HR: variants seen among roughly 807,000 people sequenced by gnomAD.
HR encodes the protein lysine-specific demethylase hairless.
In HR, 83 loss-of-function variants were observed where a neutral mutation model predicts 128.6. The observed-to-expected ratio is 0.65, with a 90% confidence interval of 0.54 to 0.77. HR has a LOEUF of 0.77. Ranked by LOEUF, HR falls within the 30% of genes least tolerant of loss-of-function variation. The probability of loss-of-function intolerance (pLI) is 0.00; values close to 1 mark genes in which losing one functional copy is unlikely to be tolerated. For synonymous variants in HR, 681 were observed against 658.2 expected, an observed-to-expected ratio of 1.03 and a Z score of -0.53; for missense variants, 1,490 against 1,574.6, an observed-to-expected ratio of 0.95 and a Z score of 0.91.
At position 22,122,522 on chromosome 8, in the gene HR, C is replaced by T; in HGVS notation, c.2092G>A (p.Val698Ile). ...TGGCCTGCATCCCCGGGGGCCCATA[C>T]CCGGGCATCAGCTTGGCAGGGGCAG... ...GHCPCQADAR[V>I]WAPGDAGQQK... is the part of the protein sequence containing the mutation. The change falls in exon 8 of 19, where the codon GTA (valine) becomes ATA (isoleucine). Residue 698 changes from valine (V) to isoleucine (I), a missense_variant. Physicochemically the swap from Val to Ile is conservative, Grantham distance 29. This residue lies in a region of HR where 1,060 missense variants were observed against 1,060.9 expected (regional missense o/e 1.00). Coordinates refer to ENST00000381418, the MANE Select transcript of HR (RefSeq NM_005144.5). 1 of 1,611,564 alleles carries T rather than the reference C, an allele frequency of 6.2e-7. No homozygotes were observed. The highest frequency in any genetic ancestry group is 8.5e-7 in the Non-Finnish European group (1 of 1,179,164).
At chr8:22,121,307 C>A in intron 9 of HR, 79 bp from the exon 10 acceptor site, 1 of 1,538,834 alleles carries the variant, frequency 6.5e-7, no homozygotes, top group South Asian at 1.2e-5. Flanking sequence ...CCATGCTGCT[C>A]TTCCCTCTCT....
intron 18 of HR, 48 bp from the exon 19 acceptor site, chr8:22,115,810 C>T (rs1218317066): frequency 1.9e-6 from 3 of 1,566,046 alleles, no homozygotes; most frequent in Middle Eastern, 1.7e-4. Context: ...ATTCCTGGGC[C>T]CACCCGCTGT....
chr8:22,124,175 C>A (rs946008503), intron 5 of HR, among the ~76,000 whole-genome samples: 1 of 152,214 alleles, frequency 6.6e-6, no homozygotes, highest in Admixed American at 6.5e-5. Context: ...TCCCTCCAAG[C>A]CCTAGGTGCT....
rs778646464 is a variant in HR, at chr8:22,120,400, A to G, written c.2718T>C (p.Pro906=). The change falls in exon 12 of 19, where the codon CCT becomes CCC. Residue 906 remains proline, a synonymous_variant. Coordinates refer to ENST00000381418, the MANE Select transcript of HR (RefSeq NM_005144.5). ...TGCTGCCCAGGCTGCTGGGCTGGGGAGGTCCGAGGGGGCTCAGCGCCTGCA... is the reference window on the plus strand; with the variant it reads ...TGCTGCCCAGGCTGCTGGGCTGGGGGGGTCCGAGGGGGCTCAGCGCCTGCA... ...GQVQALSPLG[P]PQPSSLGSTT... is the part of the protein sequence containing the mutation. The G allele has an allele frequency of 1.9e-6, 3 of 1,613,856 alleles. No individual in the cohort carries two copies. Among genetic ancestry groups the G allele is most frequent in the Non-Finnish European group, 1.7e-6 (2 of 1,179,990 alleles).
Position 22,127,330 on chromosome 8 carries a change from C to A in HR, c.1112G>T (p.Cys371Phe). The A allele has an allele frequency of 6.2e-7, 1 of 1,613,364 alleles. No individual in the cohort carries two copies. Among genetic ancestry groups the A allele is most frequent in the Non-Finnish European group, 8.5e-7 (1 of 1,180,034 alleles). The change falls in exon 3 of 19, where the codon TGT (cysteine) becomes TTT (phenylalanine). Residue 371 changes from cysteine (C) to phenylalanine (F), a missense_variant. This residue lies in a region of HR where 1,060 missense variants were observed against 1,060.9 expected (regional missense o/e 1.00). Transcript: ENST00000381418. Reference sequence around the variant, plus strand: ...CAGCTTGGTGTGGTGGCTGGGGGGACAGGCCCTGGGGCCAGAGGCCTTGTT... The same window carrying A: ...CAGCTTGGTGTGGTGGCTGGGGGGAAAGGCCCTGGGGCCAGAGGCCTTGTT... Reference protein sequence around the residue: ...EVNKASGPRACPPSHHTKLKK... With the variant: ...EVNKASGPRAFPPSHHTKLKK...
In HR at chr8:22,116,496, G is replaced by A. The variant is rs1826590989; in HGVS notation, c.3379-68C>T. Reference sequence around the variant, plus strand: ...TCCTCTCCCTGTCCCCCTGGTCCCTGAGGTTCGCTTCCTCTAATGACAACC... The same window carrying A: ...TCCTCTCCCTGTCCCCCTGGTCCCTAAGGTTCGCTTCCTCTAATGACAACC... On this transcript the variant is annotated intron_variant, in intron 17 of 18. Coordinates refer to ENST00000381418, the MANE Select transcript of HR (RefSeq NM_005144.5). The surrounding 1 kb of genome is among the most constrained non-coding windows in gnomAD (Gnocchi z 4.2). The A allele has an allele frequency of 6.4e-7, 1 of 1,569,156 alleles. No individual in the cohort carries two copies. The highest frequency in any genetic ancestry group is 1.9e-5 in the Admixed American group (1 of 53,678).
rs1826550511 is a variant in HR at position 22,115,011 on chromosome 8, C to G, written c.*689G>C. On this transcript the variant is annotated 3_prime_UTR_variant, in exon 19 of 19. Coordinates refer to ENST00000381418, the MANE Select transcript of HR (RefSeq NM_005144.5). The stretch of plus-strand genomic sequence containing the variant: ...GTCTCTAAGGCAGATTTCCATGTCC[C>G]CCTCCCTCCCTGGACCATGTGGCCT... 1 of 153,958 alleles carries G rather than the reference C, an allele frequency of 6.5e-6. No individual in the cohort carries two copies. The highest frequency in any genetic ancestry group is 1.4e-5 in the Non-Finnish European group (1 of 69,238). The allele number at this position is 153,958 out of a possible 1,614,324, so 9.5% of individuals were successfully genotyped here. A position where few individuals can be genotyped will look rare whatever the true frequency, so the allele number is the denominator to read the frequency against.
At chr8:22,123,997 G>C (rs551014055) in intron 5 of HR, among the ~76,000 whole-genome samples, 184 bp from the exon 6 acceptor site, 12 of 152,222 alleles carry the variant, frequency 7.9e-5, no homozygotes, top group Middle Eastern at 3.4e-3. Flanking sequence ...CAGCCCTGTC[G>C]AGAGCCTCCT....
intron 1 of HR, among the ~76,000 whole-genome samples, chr8:22,129,794 C>T (rs1196757318): frequency 6.6e-6 from 1 of 151,700 alleles, no homozygotes; most frequent in Non-Finnish European, 1.5e-5. Flanking sequence ...CCAGCCAGGG[C>T]CGCTGGCTGT....
In HR at chr8:22,123,734, G is replaced by A. The variant is rs920251485; in HGVS notation, c.1830C>T (p.Thr610=). Residue 610 remains threonine (T), a synonymous_variant, in exon 6 of 19, where the codon ACC becomes ACT. Coordinates refer to ENST00000381418, the MANE Select transcript of HR (RefSeq NM_005144.5). ...CSRCHHGLFN[T]HWRCPRCSHR... The stretch of plus-strand genomic sequence containing the variant: ...GGCTGCAGCGGGGACATCGCCAGTG[G>A]GTGTTGAAGAGTCCATGGTGGCAAC... The A allele has an allele frequency of 2.8e-5, 45 of 1,595,188 alleles. No homozygotes were observed. The highest frequency in any genetic ancestry group is 3.7e-5 in the Non-Finnish European group (44 of 1,175,490).
At chr8:22,129,538 C>G (rs1826996294) in intron 1 of HR, among the ~76,000 whole-genome samples, 1 of 152,264 alleles carries the variant, frequency 6.6e-6, no homozygotes, top group Admixed American at 6.5e-5. Context: ...GTGGAAGGCA[C>G]TGAATGAAGA....
chr8:22,119,554 C>T (rs1029740583), intron 14 of HR, among the ~76,000 whole-genome samples: 1 of 151,774 alleles, frequency 6.6e-6, no homozygotes, highest in Non-Finnish European at 1.5e-5. Context: ...TTGCGGTGAG[C>T]CGAGATAGTG....
chr8:22,123,617 T>TTGGGGGGGCCCCCC, intron 6 of HR, 32 bp downstream of exon 6: 3 of 292,092 alleles, frequency 1.0e-5, no homozygotes, highest in Non-Finnish European at 1.2e-5. Context: ...GAGGGCTCCA[T>TTGGGGGGGCCCCCC]CCCGCCCTCC....
At chr8:22,119,674 G>T in intron 14 of HR, 86 bp downstream of exon 14, 1 of 1,474,044 alleles carries the variant, frequency 6.8e-7, no homozygotes, top group Non-Finnish European at 9.1e-7. Context: ...AGGCCCCAGG[G>T]CCTTGGCACA....
Position 22,125,227 on chromosome 8 carries a change from C to T in HR, c.1750+84G>A, listed in dbSNP as rs998608354. 2.2e-5 allele frequency: 31 copies of T among 1,407,426 alleles called. No individual in the cohort carries two copies. The African/African-American group carries it at 4.0e-4, about 18-fold the overall frequency. The allele number at this position is 1,407,426 out of a possible 1,614,324, so 87.2% of individuals were successfully genotyped here. ...TCTGAGGTTGCCTTAGGTCTAGGAG[C>T]TGGCAGTGTGGGTGGGGTCAGGGGA... On this transcript the variant is annotated intron_variant, in intron 5 of 18. Transcript: ENST00000381418.
At chr8:22,128,486 A>G in intron 2 of HR, 73 bp downstream of exon 2, 1 of 1,588,388 alleles carries the variant, frequency 6.3e-7, no homozygotes, top group South Asian at 1.1e-5. Flanking sequence ...TCACAGTGGA[A>G]GGGCATCTTG....
chr8:22,127,055 G>A lies in HR; in HGVS notation c.1387C>T (p.Gln463Ter). ...CCCTTACCTTTCTGCTCATCATGCT[G>A]TCCCGAGTCCACATCCTTGTTCCCT... ...SIGNKDVDSGQHDEQKGPQDG... is the reference protein window; with the variant it reads ...SIGNKDVDSG Residue 463 changes from glutamine (Q) to a stop codon, truncating the protein, a stop_gained, in exon 3 of 19, where the codon CAG becomes TAG. Coordinates refer to ENST00000381418, the MANE Select transcript of HR (RefSeq NM_005144.5). LOFTEE classifies it high-confidence loss of function. The A allele has an allele frequency of 6.2e-7, 1 of 1,612,218 alleles. No individual in the cohort carries two copies. The highest frequency in any genetic ancestry group is 8.5e-7 in the Non-Finnish European group (1 of 1,179,698).
At position 22,117,291 on chromosome 8, in the gene HR, T is replaced by C. The variant is rs1001146810; in HGVS notation, c.3214-252A>G. On this transcript the variant is annotated intron_variant, in intron 16 of 18. Transcript: ENST00000381418. ...CCTACAGTTGGGCAGACTGAATCCC[T>C]GCTTTTCTGGGGCTGGAGGCCTTTA... 3.6e-5 allele frequency: 17 copies of C among 473,398 alleles called. No individual in the cohort carries two copies. The Admixed American group carries it at 5.0e-4, about 14-fold the overall frequency. The allele number at this position is 473,398 out of a possible 1,614,324, so 29.3% of individuals were successfully genotyped here.
Position 22,127,384 on chromosome 8 carries a change from C to A in HR, c.1058G>T (p.Ser353Ile), listed in dbSNP as rs1826924389. The A allele has an allele frequency of 6.2e-7, 1 of 1,613,282 alleles. No individual in the cohort carries two copies. The highest frequency in any genetic ancestry group is 8.5e-7 in the Non-Finnish European group (1 of 1,180,026). ...TTCCTCGCTGGGTTCGCTGGCTCCA[C>A]TGGCACCCCCCTCCAGGCCCTCCTG... The part of the protein sequence containing the change: ...KCQEGLEGGA[S>I]GASEPSEEVN... The change falls in exon 3 of 19, where the codon AGT (serine) becomes ATT (isoleucine). Residue 353 changes from serine (S) to isoleucine (I), a missense_variant. Around this residue, in one of 3 missense-constraint regions of HR, gnomAD observed 1,060 missense variants for 1,060.9 expected, o/e 1.00. Transcript: ENST00000381418.
Sources: gnomAD v4.1 joint callset for allele counts (sites outside exome capture counted in the v4.1 genomes callset) on GRCh38, gnomAD v4.1.1 for gene constraint, gnomAD v4.1.1 regional missense constraint, Gnocchi (gnomAD v3.1) non-coding constraint, MANE v1.5 for transcripts, NCBI Gene and HGNC (gene_info 2026-07-23, HGNC 2026-07-21) for gene names.